Variants in TOGARAM1 observed in about 807,000 individuals in gnomAD.
The protein encoded by TOGARAM1 is TOG array regulator of axonemal microtubules protein 1.
A neutral mutation model predicts 166.6 loss-of-function variants in TOGARAM1; 100 were observed. The ratio of observed to expected loss-of-function variants is 0.60; its 90% CI spans 0.51 to 0.71. The LOEUF (loss-of-function observed/expected upper bound fraction) is 0.71. Among genes scored for constraint, TOGARAM1 ranks in the 30% least tolerant of loss-of-function variants. The pLI, the probability that TOGARAM1 is intolerant of heterozygous loss-of-function variation, is 0.00. For missense variants in TOGARAM1, 2,029 were observed against 2,102.7 expected (o/e 0.96, Z 0.69); for synonymous variants, 758 against 763.8 (o/e 0.99, Z 0.13).
chr14:45,022,327 C>G (rs569761611), intron 7 of TOGARAM1, among the ~76,000 whole-genome samples: 36 of 150,192 alleles, frequency 2.4e-4, no homozygotes, highest in Non-Finnish European at 4.6e-4. Flanking sequence ...TACTGAAATC[C>G]CTGAGATTTG....
Position 44,964,277 on chromosome 14 carries a change from C to G in TOGARAM1, c.1856C>G (p.Thr619Ser). Residue 619 changes from threonine (T) to serine (S), a missense_variant, in exon 1 of 20, where the codon ACT becomes AGT. Thr to Ser is a moderately conservative substitution (Grantham distance 58). This residue lies in a region of TOGARAM1 where 1,453 missense variants were observed against 1,432.2 expected (regional missense o/e 1.01). Transcript: ENST00000361462. ...GACTGGCTTTTGGCTGGTAACAGAACTCAGAGTGCACACTGTCACTGTGGT... is the reference window on the plus strand; with the variant it reads ...GACTGGCTTTTGGCTGGTAACAGAAGTCAGAGTGCACACTGTCACTGTGGT... The part of the protein sequence containing the change: ...DTDWLLAGNR[T>S]QSAHCHCGDH... The G allele has an allele frequency of 6.2e-7, 1 of 1,614,114 alleles. No homozygotes were observed. Among genetic ancestry groups the G allele is most frequent in the Non-Finnish European group, 8.5e-7 (1 of 1,180,002 alleles).
intron 3 of TOGARAM1, among the ~76,000 whole-genome samples, chr14:45,003,398 G>A (rs1313870570): frequency 6.6e-6 from 1 of 151,928 alleles, no homozygotes; most frequent in Non-Finnish European, 1.5e-5. Flanking sequence ...CAAGGAAGAA[G>A]TAATAAAGAA....
chr14:44,966,495 T>C (rs917308135), intron 1 of TOGARAM1, among the ~76,000 whole-genome samples: 6 of 152,098 alleles, frequency 3.9e-5, no homozygotes, highest in Non-Finnish European at 8.8e-5. Context: ...AATACTAAAA[T>C]AAATTAATTA....
intron 6 of TOGARAM1, 134 bp from the exon 7 acceptor site, chr14:45,011,841 T>C (rs1879819407): frequency 1.2e-5 from 7 of 568,908 alleles, no homozygotes; most frequent in Non-Finnish European, 2.2e-5. Flanking sequence ...CCATAGTTTT[T>C]CAAGTGTCAT....
At position 44,963,640 on chromosome 14, in the gene TOGARAM1, A is replaced by G. The variant is rs1486062731; in HGVS notation, c.1219A>G (p.Asn407Asp). 2 of 1,613,364 alleles carry G rather than the reference A, an allele frequency of 1.2e-6. No individual in the cohort carries two copies. The highest frequency in any genetic ancestry group is 8.5e-7 in the Non-Finnish European group (1 of 1,180,000). The change falls in exon 1 of 20, where the codon AAC becomes GAC. Residue 407 changes from asparagine (N) to aspartate (D), a missense_variant. Around this residue, in one of 2 missense-constraint regions of TOGARAM1, gnomAD observed 1,453 missense variants for 1,432.2 expected, o/e 1.01. Transcript: ENST00000361462. The stretch of plus-strand genomic sequence containing the variant: ...GCTATATAATTTGTTAGACGATTCT[A>G]ACTTCAAAGTGGTGCATGGCACACT... ...SLLYNLLDDSNFKVVHGTLEV... is the reference protein window; with the variant it reads ...SLLYNLLDDSDFKVVHGTLEV...
At position 45,004,227 on chromosome 14, in the gene TOGARAM1, A is replaced by G; in HGVS notation, c.2505A>G (p.Ile835Met). 1 of 1,614,072 alleles carries G rather than the reference A, an allele frequency of 6.2e-7. No homozygotes were observed. ...TSPKHTSPLI[I>M]SPKKSQDNSV... ...CAAAGCATACATCTCCTCTTATTAT[A>G]TCTCCAAAGAAGTCTCAAGATAATT... Residue 835 changes from isoleucine to methionine, a missense_variant, in exon 4 of 20, where the codon ATA becomes ATG. Physicochemically the swap from Ile to Met is conservative, Grantham distance 10. Transcript: ENST00000361462.
intron 14 of TOGARAM1, among the ~76,000 whole-genome samples, chr14:45,047,542 A>T (rs1474739202): frequency 6.6e-6 from 1 of 152,196 alleles, no homozygotes; most frequent in African/African-American, 2.4e-5. Context: ...CAGTCAGAGA[A>T]AAACAACACA....
At chr14:44,971,626 G>A (rs909437026) in intron 1 of TOGARAM1, among the ~76,000 whole-genome samples, 2 of 151,850 alleles carry the variant, frequency 1.3e-5, no homozygotes, top group South Asian at 4.2e-4. Flanking sequence ...AGTTTCCTAG[G>A]ATGTGCACTT....
At chr14:44,994,160 G>T (rs1275915723) in intron 1 of TOGARAM1, among the ~76,000 whole-genome samples, 3 of 152,144 alleles carry the variant, frequency 2.0e-5, no homozygotes, top group African/African-American at 7.2e-5. Flanking sequence ...AGCCTGGAGT[G>T]CAGTGGCATG....
chr14:44,962,770 C>G lies in TOGARAM1; in HGVS notation c.349C>G (p.Gln117Glu), dbSNP rs1234624251. Residue 117 changes from glutamine (Q) to glutamate (E), a missense_variant, in exon 1 of 20, where the codon CAA becomes GAA. By Grantham distance (29) the Gln-to-Glu change is conservative (BLOSUM62 2). Around this residue, in one of 2 missense-constraint regions of TOGARAM1, gnomAD observed 1,453 missense variants for 1,432.2 expected, o/e 1.01. Coordinates refer to ENST00000361462, the MANE Select transcript of TOGARAM1 (RefSeq NM_001308120.2). ...TCCTTCTGAGGCCTTCCAGGCTTTG[C>G]AAGCTGCTTTGCCGCGGCGGGGCGG... is the stretch of plus-strand genomic sequence containing the variant. ...RDPSEAFQAL[Q>E]AALPRRGGRL... The G allele has an allele frequency of 4.3e-6, 7 of 1,613,040 alleles. No individual in the cohort carries two copies. Among genetic ancestry groups the G allele is most frequent in the Non-Finnish European group, 5.9e-6 (7 of 1,180,014 alleles).
intron 11 of TOGARAM1, among the ~76,000 whole-genome samples, chr14:45,032,617 T>G (rs1322598300): frequency 6.6e-6 from 1 of 152,222 alleles, no homozygotes; most frequent in Non-Finnish European, 1.5e-5. Context: ...TATAATGGAT[T>G]ATGTAAACCC....
intron 1 of TOGARAM1, among the ~76,000 whole-genome samples, chr14:44,969,701 A>G (rs1451624990): frequency 6.6e-6 from 1 of 152,146 alleles, no homozygotes. Context: ...TAAGTCTATG[A>G]TCCATTTGGA....
In TOGARAM1 at chr14:44,963,321, C is replaced by G; in HGVS notation, c.900C>G (p.Pro300=). The part of the protein sequence containing the change: ...DRFQSYISRL[P]SALRRHYNRR... The stretch of plus-strand genomic sequence containing the variant: ...TTCAATCTTACATTTCTCGTCTGCC[C>G]TCTGCCCTGAGGAGACACTACAATC... The change falls in exon 1 of 20, where the codon CCC becomes CCG. Residue 300 remains proline (P), a synonymous_variant. Coordinates refer to ENST00000361462, the MANE Select transcript of TOGARAM1 (RefSeq NM_001308120.2). 1 of 1,614,182 alleles carries G rather than the reference C, an allele frequency of 6.2e-7. No individual in the cohort carries two copies. The highest frequency in any genetic ancestry group is 8.5e-7 in the Non-Finnish European group (1 of 1,180,016).
intron 16 of TOGARAM1, among the ~76,000 whole-genome samples, chr14:45,059,772 C>T (rs1882814851): frequency 1.3e-5 from 2 of 152,126 alleles, no homozygotes; most frequent in Admixed American, 1.3e-4. Context: ...ATTTGTTTAT[C>T]TTTGAAATAT....
intron 1 of TOGARAM1, among the ~76,000 whole-genome samples, chr14:44,985,194 A>G (rs767909459): frequency 5.5e-4 from 84 of 152,092 alleles, no homozygotes; most frequent in Non-Finnish European, 1.1e-3. Flanking sequence ...TTGTATTTTT[A>G]GTAGAGACGA....
intron 11 of TOGARAM1, among the ~76,000 whole-genome samples, chr14:45,038,036 A>G (rs1203314596): frequency 6.6e-6 from 1 of 152,106 alleles, no homozygotes; most frequent in Non-Finnish European, 1.5e-5. Flanking sequence ...AGAAAAAAGA[A>G]AAAAGTAAAG....
Position 44,963,987 on chromosome 14 carries a change from C to A in TOGARAM1, c.1566C>A (p.Ser522Arg). 1 of 1,614,206 alleles carries A rather than the reference C, an allele frequency of 6.2e-7. No individual in the cohort carries two copies. Among genetic ancestry groups the A allele is most frequent in the Non-Finnish European group, 8.5e-7 (1 of 1,180,050 alleles). ...SFDLAPALVDSKRRVRQAALE... is the reference protein window; with the variant it reads ...SFDLAPALVDRKRRVRQAALE... ...ATCTTGCCCCAGCTCTTGTAGATAG[C>A]AAACGCAGGGTACGCCAAGCAGCTT... Residue 522 changes from serine (S) to arginine (R), a missense_variant, in exon 1 of 20, where the codon AGC (serine) becomes AGA (arginine). Transcript: ENST00000361462.
intron 16 of TOGARAM1, among the ~76,000 whole-genome samples, chr14:45,055,617 A>G (rs1225075683): frequency 6.6e-6 from 1 of 151,942 alleles, no homozygotes; most frequent in Non-Finnish European, 1.5e-5. Context: ...AGCCTGGCCA[A>G]CGTAGTGAAA....
At chr14:44,972,028 A>G (rs1352611620) in intron 1 of TOGARAM1, among the ~76,000 whole-genome samples, 1 of 152,148 alleles carries the variant, frequency 6.6e-6, no homozygotes, top group Admixed American at 6.6e-5. Context: ...AGAGGGCAGG[A>G]GGAGATGCTA....
Sources: allele counts gnomAD v4.1 joint callset (sites outside exome capture counted in the v4.1 genomes callset), GRCh38; gene constraint gnomAD v4.1.1; regional missense constraint gnomAD v4.1.1; transcripts MANE v1.5; gene names NCBI Gene and HGNC (gene_info 2026-07-23, HGNC 2026-07-21).